Variants in CTNNA2 observed in about 807,000 individuals in gnomAD.
CTNNA2 encodes the protein catenin alpha 2.
CTNNA2 carries 42 observed loss-of-function variants against 101.0 expected under a neutral mutation model. The observed-to-expected ratio is 0.42, with a 90% confidence interval of 0.32 to 0.54. CTNNA2 has a LOEUF of 0.54. CTNNA2 is among the 20% of genes least tolerant of loss of function. The probability of loss-of-function intolerance (pLI) is 0.14; values close to 1 mark genes in which losing one functional copy is unlikely to be tolerated. For synonymous variants in CTNNA2, 450 were observed against 456.4 expected, an observed-to-expected ratio of 0.99 and a Z score of 0.18; for missense variants, 871 against 1,223.1, an observed-to-expected ratio of 0.71 and a Z score of 4.29.
At position 80,544,965 on chromosome 2, in the gene CTNNA2, A is replaced by G; in HGVS notation, c.1291-17A>G. 1 of 1,611,636 alleles carries G rather than the reference A, an allele frequency of 6.2e-7. No homozygotes were observed. The highest frequency in any genetic ancestry group is 8.5e-7 in the Non-Finnish European group (1 of 1,178,380). On this transcript the variant is annotated splice_polypyrimidine_tract_variant and intron_variant, in intron 9 of 18. Transcript: ENST00000402739. ...TTTGCCCCAACCTAATATTCACTAA[A>G]ATCCTCTTCAATACAGGTTGCCAAT...
chr2:79,895,337 G>A (rs1034076108), intron 6 of CTNNA2, among the ~76,000 whole-genome samples: 3 of 152,140 alleles, frequency 2.0e-5, no homozygotes, highest in South Asian at 2.1e-4. Flanking sequence ...TGCTCAAGGT[G>A]TATGCATTTC....
chr2:79,470,805 TA>T (rs1344953690), intron 4 of CTNNA2, among the ~76,000 whole-genome samples: 1 of 152,238 alleles, frequency 6.6e-6, no homozygotes, highest in Non-Finnish European at 1.5e-5. Flanking sequence ...TTTGTATAAC[TA>T]ACTTTGGTGC....
At chr2:80,642,254 C>T (rs755032855) in intron 18 of CTNNA2, among the ~76,000 whole-genome samples, 2 of 152,100 alleles carry the variant, frequency 1.3e-5, no homozygotes, top group African/African-American at 2.4e-5. Flanking sequence ...AGATATCATG[C>T]CCACAATGAA....
chr2:79,769,151 G>A lies in CTNNA2; in HGVS notation c.298+24569G>A, dbSNP rs189602478. ...ATTACAGGCATGAGCCACTGTGCTC[G>A]GCCTGTGTGACTGTTCTTAAAGTTT... On this transcript the variant is annotated intron_variant, in intron 3 of 18. Coordinates refer to ENST00000402739, the MANE Select transcript of CTNNA2 (RefSeq NM_001282597.3). 6.8e-4 allele frequency among the ~76,000 whole-genome samples: 103 copies of A among 152,192 alleles called. No individual in the cohort carries two copies. In the South Asian group the frequency reaches 0.021, roughly 31 times the overall value.
At chr2:80,434,272 G>C (rs1468736444) in intron 9 of CTNNA2, among the ~76,000 whole-genome samples, 1 of 152,048 alleles carries the variant, frequency 6.6e-6, no homozygotes, top group Non-Finnish European at 1.5e-5. Context: ...TCTACTTATC[G>C]CTTCTACAAC....
chr2:79,962,042 C>T (rs1001428542), intron 7 of CTNNA2, among the ~76,000 whole-genome samples: 2 of 152,188 alleles, frequency 1.3e-5, no homozygotes, highest in Non-Finnish European at 1.5e-5. Flanking sequence ...ACTAGCTCTT[C>T]GTCTGTTACT....
intron 11 of CTNNA2, among the ~76,000 whole-genome samples, chr2:80,553,230 A>AAAAAAT (rs1553384522): frequency 8.7e-4 from 107 of 123,354 alleles, no homozygotes; most frequent in Non-Finnish European, 1.7e-3. Context: ...TCTCAAAAAA[A>AAAAAAT]AAAATAAAAT....
At chr2:79,467,386 C>G (rs1239868872) in intron 4 of CTNNA2, among the ~76,000 whole-genome samples, 1 of 151,964 alleles carries the variant, frequency 6.6e-6, no homozygotes, top group Non-Finnish European at 1.5e-5. Flanking sequence ...GTGAAAAGAC[C>G]AAATCTACGT....
At chr2:79,434,623 G>A (rs756642194) in intron 4 of CTNNA2, among the ~76,000 whole-genome samples, 2 of 152,128 alleles carry the variant, frequency 1.3e-5, no homozygotes, top group African/African-American at 2.4e-5. Context: ...TCTGGGTGAT[G>A]CCAAATTCAA....
At chr2:79,729,855 G>T (rs776948116) in intron 2 of CTNNA2, among the ~76,000 whole-genome samples, 3 of 151,992 alleles carry the variant, frequency 2.0e-5, no homozygotes, top group Non-Finnish European at 2.9e-5. Context: ...TTTACCAGCA[G>T]TTTGTAATTT....
At chr2:79,883,140 G>GC (rs1194983055) in intron 6 of CTNNA2, among the ~76,000 whole-genome samples, 10 of 152,156 alleles carry the variant, frequency 6.6e-5, no homozygotes, top group Non-Finnish European at 1.3e-4. Flanking sequence ...TCTTGGTCCT[G>GC]CCCTCCCAAA....
chr2:80,278,955 A>T (rs977396873), intron 7 of CTNNA2, among the ~76,000 whole-genome samples: 1 of 151,534 alleles, frequency 6.6e-6, no homozygotes, highest in African/African-American at 2.4e-5. Context: ...ACAAAGTGAG[A>T]CTCTGTCTCT....
At chr2:79,378,279 G>A (rs1307325352) in intron 4 of CTNNA2, among the ~76,000 whole-genome samples, 1 of 152,128 alleles carries the variant, frequency 6.6e-6, no homozygotes, top group African/African-American at 2.4e-5. Context: ...TAGGAATTGA[G>A]GAGAGAAAAG....
At chr2:80,087,781 C>A (rs1699542502) in intron 7 of CTNNA2, among the ~76,000 whole-genome samples, 1 of 152,062 alleles carries the variant, frequency 6.6e-6, no homozygotes, top group Non-Finnish European at 1.5e-5. Context: ...GGCTGGTTTA[C>A]AGCCCCCTCT....
intron 1 of CTNNA2, among the ~76,000 whole-genome samples, chr2:79,516,567 A>G (rs965796626): frequency 6.6e-6 from 1 of 152,182 alleles, no homozygotes; most frequent in Non-Finnish European, 1.5e-5. Context: ...GGTAGAGTAC[A>G]TACAGTCAGA....
intron 17 of CTNNA2, among the ~76,000 whole-genome samples, chr2:80,616,209 T>C (rs1459209302): frequency 6.6e-6 from 1 of 151,724 alleles, no homozygotes; most frequent in African/African-American, 2.4e-5. Flanking sequence ...GGAGAAGTTA[T>C]GGTCAACATC....
chr2:80,271,752 C>T (rs1433933509), intron 7 of CTNNA2, among the ~76,000 whole-genome samples: 1 of 152,142 alleles, frequency 6.6e-6, no homozygotes, highest in Non-Finnish European at 1.5e-5. Flanking sequence ...TTTTTCATGA[C>T]AGTGGATATA....
At chr2:79,322,209 A>G (rs1676640897) in intron 3 of CTNNA2, among the ~76,000 whole-genome samples, 1 of 152,342 alleles carries the variant, frequency 6.6e-6, no homozygotes, top group South Asian at 2.1e-4. Context: ...ATTGTCATCA[A>G]CAAGGGCTGG....
In CTNNA2 at chr2:80,232,345, G is replaced by GTTTTTTTTTTTTTTTT. The variant is rs61454985; in HGVS notation, c.1057-160838_1057-160823dup. Among the ~76,000 whole-genome samples, 77 of 64,792 alleles carry GTTTTTTTTTTTTTTTT rather than the reference G, an allele frequency of 1.2e-3. 1 individual carries two copies. Among genetic ancestry groups the GTTTTTTTTTTTTTTTT allele is most frequent in the Middle Eastern group, 9.3e-3 (1 of 108 alleles). The allele number at this position is 64,792 out of a possible 152,430, so 42.5% of individuals were successfully genotyped here. A position where few individuals can be genotyped will look rare whatever the true frequency, so the allele number is the denominator to read the frequency against. ...GTTTTGTTTGTTTGTTTGTTTGTTTGTTTTTTTTTTTTTTTTTTTTTTTTT... is the reference window on the plus strand; with the variant it reads ...GTTTTGTTTGTTTGTTTGTTTGTTTGTTTTTTTTTTTTTTTTTTTTTTTTTTTTTTTTTTTTTTTTT... On this transcript the variant is annotated intron_variant, in intron 7 of 18. Transcript: ENST00000402739.
Sources: allele counts gnomAD v4.1 joint callset (sites outside exome capture counted in the v4.1 genomes callset), GRCh38; gene constraint gnomAD v4.1.1; transcripts MANE v1.5; gene names NCBI Gene and HGNC (gene_info 2026-07-23, HGNC 2026-07-21).